The following CNTNAP2 variants were observed in gnomAD, a reference collection of about 807,000 sequenced individuals.
CNTNAP2 encodes contactin-associated protein-like 2.
A neutral mutation model predicts 155.2 loss-of-function variants in CNTNAP2; 98 were observed. The ratio of observed to expected loss-of-function variants is 0.63; its 90% confidence interval spans 0.54 to 0.75. The LOEUF (loss-of-function observed/expected upper bound fraction) is 0.75, where lower values mean the gene tolerates loss of function less well. Among genes scored for constraint, CNTNAP2 ranks in the 30% least tolerant of loss-of-function variants. The pLI, the probability that CNTNAP2 is intolerant of heterozygous loss-of-function variation, is 0.00. For missense variants in CNTNAP2, 1,727 were observed against 1,688.1 expected, an observed-to-expected ratio of 1.02 and a Z score of -0.40; for synonymous variants, 651 against 631.2, an observed-to-expected ratio of 1.03 and a Z score of -0.47.
At chr7:147,675,900 G>T (rs1795858771) in intron 13 of CNTNAP2, among the ~76,000 whole-genome samples, 1 of 151,954 alleles carries the variant, frequency 6.6e-6, no homozygotes. Flanking sequence ...TAGAGCACAA[G>T]TTTCCCCCTT....
chr7:148,083,086 A>T (rs1324467933), intron 15 of CNTNAP2, among the ~76,000 whole-genome samples: 2 of 152,006 alleles, frequency 1.3e-5, no homozygotes, highest in African/African-American at 4.8e-5. Context: ...TATACAGGAC[A>T]CTGGTGTATA....
At chr7:148,184,942 A>G (rs1289682148) in intron 18 of CNTNAP2, among the ~76,000 whole-genome samples, 3 of 152,234 alleles carry the variant, frequency 2.0e-5, no homozygotes, top group Non-Finnish European at 4.4e-5. Flanking sequence ...AATTATTATT[A>G]AGTTTATTAA....
At chr7:147,883,070 G>A (rs868030293) in intron 13 of CNTNAP2, among the ~76,000 whole-genome samples, 24 of 152,188 alleles carry the variant, frequency 1.6e-4, no homozygotes, top group African/African-American at 4.3e-4. Flanking sequence ...GATAGATAGG[G>A]TAGGTGTAGA....
rs1393116250 is a variant in CNTNAP2, at chr7:147,902,810, G to T, written c.2099-755G>T. Among the ~76,000 whole-genome samples the T allele has an allele frequency of 6.9e-5, 9 of 130,378 alleles. 1 individual carries two copies. The highest frequency in any genetic ancestry group is 2.6e-4 in the African/African-American group (9 of 35,218). 85.5% of individuals were successfully genotyped at this position (130,378 alleles called of 152,430 possible). ...TGTGTGTGTGTGTGTGTGTGTGTGT[G>T]TGTATGTGTGTGTGTGTGTGTGTGT... On this transcript the variant is annotated intron_variant, in intron 13 of 23. Transcript: ENST00000361727.
At chr7:147,484,702 C>G (rs983617230) in intron 10 of CNTNAP2, among the ~76,000 whole-genome samples, 2 of 152,216 alleles carry the variant, frequency 1.3e-5, no homozygotes, top group Non-Finnish European at 1.5e-5. Context: ...TTAGGCATGG[C>G]TAGTGGTAAA....
chr7:148,247,622 TCTC>T lies in CNTNAP2; in HGVS notation c.3381+17844_3381+17846del, dbSNP rs200766832. ...CTCTCTCTCTCTCTCTCTCTCTCTCTCTCTATTTATTTATTTATTTATTTATTT... is the reference window on the plus strand; with the variant it reads ...CTCTCTCTCTCTCTCTCTCTCTCTCTTATTTATTTATTTATTTATTTATTT... On this transcript the variant is annotated intron_variant, in intron 20 of 23. Coordinates refer to ENST00000361727, the MANE Select transcript of CNTNAP2 (RefSeq NM_014141.6). Among the ~76,000 whole-genome samples, 398 of 134,952 alleles carry T rather than the reference TCTC, an allele frequency of 2.9e-3. 3 individuals carry two copies. The highest frequency in any genetic ancestry group is 0.01 in the African/African-American group (328 of 32,750). The allele number at this position is 134,952 out of a possible 152,430, so 88.5% of individuals were successfully genotyped here. A position where few individuals can be genotyped will look rare whatever the true frequency, so the allele number is the denominator to read the frequency against.
intron 1 of CNTNAP2, among the ~76,000 whole-genome samples, chr7:146,263,852 T>C (rs802569): frequency 0.21 from 32,553 of 152,144 alleles, 9,538 homozygotes; most frequent in African/African-American, 0.67. Context: ...ATACATTAAA[T>C]CCAGATAAAT....
chr7:148,278,384 G>A (rs1370771592), intron 21 of CNTNAP2, among the ~76,000 whole-genome samples: 4 of 151,940 alleles, frequency 2.6e-5, no homozygotes, highest in African/African-American at 9.7e-5. Flanking sequence ...GGCTAACATG[G>A]CGAAACCCTG....
At position 146,541,884 on chromosome 7, in the gene CNTNAP2, AT is replaced by A. The variant is rs1290274358; in HGVS notation, c.98-232386del. On this transcript the variant is annotated intron_variant, in intron 1 of 23. Transcript: ENST00000361727. ...TGTTCTTGAATGATTTATTGCCAAA[AT>A]ATTCTTGAATTTCCCATATTGTTAA... Among the ~76,000 whole-genome samples, 4 of 152,132 alleles carry A rather than the reference AT, an allele frequency of 2.6e-5. No individual in the cohort carries two copies. The East Asian group carries it at 7.7e-4, about 29-fold the overall frequency.
intron 16 of CNTNAP2, among the ~76,000 whole-genome samples, chr7:148,147,196 C>T (rs1052622181): frequency 6.6e-6 from 1 of 152,196 alleles, no homozygotes; most frequent in Non-Finnish European, 1.5e-5. Flanking sequence ...CTTCTCCAGA[C>T]TTCAGTCTCC....
intron 21 of CNTNAP2, among the ~76,000 whole-genome samples, chr7:148,311,927 G>A (rs558694164): frequency 2.6e-5 from 4 of 152,244 alleles, no homozygotes; most frequent in Non-Finnish European, 4.4e-5. Flanking sequence ...GTGTGAGGCC[G>A]GATTGAAGTC....
intron 9 of CNTNAP2, among the ~76,000 whole-genome samples, chr7:147,365,153 C>T (rs977491865): frequency 6.6e-6 from 1 of 151,710 alleles, no homozygotes; most frequent in African/African-American, 2.4e-5. Context: ...CCTGTAATCC[C>T]AGCACTTGAG....
At chr7:147,007,415 T>C (rs1162328970) in intron 3 of CNTNAP2, among the ~76,000 whole-genome samples, 1 of 152,174 alleles carries the variant, frequency 6.6e-6, no homozygotes, top group African/African-American at 2.4e-5. Context: ...TACCTGTCTA[T>C]CTAGCTACCT....
chr7:147,168,978 A>G (rs2116471677), intron 8 of CNTNAP2, among the ~76,000 whole-genome samples: 1 of 152,332 alleles, frequency 6.6e-6, no homozygotes, highest in East Asian at 1.9e-4. Flanking sequence ...AAATGAGTAT[A>G]TCAATCTCAG....
intron 15 of CNTNAP2, among the ~76,000 whole-genome samples, chr7:148,025,898 A>T (rs12112179): frequency 6.6e-6 from 1 of 152,180 alleles, no homozygotes; most frequent in African/African-American, 2.4e-5. Flanking sequence ...ATATATTAAG[A>T]TGCATATGTG....
At chr7:147,968,167 C>G (rs1431670275) in intron 14 of CNTNAP2, among the ~76,000 whole-genome samples, 4 of 152,112 alleles carry the variant, frequency 2.6e-5, no homozygotes, top group African/African-American at 4.8e-5. Flanking sequence ...AATATATCTG[C>G]CCTCAGGGAA....
intron 13 of CNTNAP2, among the ~76,000 whole-genome samples, chr7:147,722,420 T>A (rs1223358759): frequency 6.6e-6 from 1 of 152,144 alleles, no homozygotes; most frequent in African/African-American, 2.4e-5. Context: ...ATGGATTTTT[T>A]AAAACTCTTA....
chr7:146,278,568 C>T (rs1800200805), intron 1 of CNTNAP2, among the ~76,000 whole-genome samples: 1 of 152,160 alleles, frequency 6.6e-6, no homozygotes, highest in African/African-American at 2.4e-5. Flanking sequence ...AATGATGTGT[C>T]TAGTCTGTGC....
At chr7:146,537,018 G>C (rs544222091) in intron 1 of CNTNAP2, among the ~76,000 whole-genome samples, 2 of 151,970 alleles carry the variant, frequency 1.3e-5, no homozygotes, top group Non-Finnish European at 2.9e-5. Context: ...ATATTTGAAC[G>C]GTTAAAATTA....
Sources: allele counts gnomAD v4.1 joint callset (sites outside exome capture counted in the v4.1 genomes callset), GRCh38; gene constraint gnomAD v4.1.1; transcripts MANE v1.5; gene names NCBI Gene and HGNC (gene_info 2026-07-23, HGNC 2026-07-21).